The following FBXL2 variants were observed in gnomAD, a reference collection of about 807,000 sequenced individuals.
The protein encoded by FBXL2 is F-box and leucine rich repeat protein 2.
A neutral mutation model predicts 69.2 loss-of-function variants in FBXL2; 38 were observed. That is an observed-to-expected ratio of 0.55 (90% CI 0.42 to 0.72). The LOEUF (loss-of-function observed/expected upper bound fraction) is 0.72. Ranked by LOEUF, FBXL2 falls within the 30% of genes least tolerant of loss-of-function variation. The pLI is 0.00. For missense variants in FBXL2, 354 were observed against 520.3 expected (o/e 0.68, Z 3.11); for synonymous variants, 192 against 201.3 (o/e 0.95, Z 0.39).
At chr3:33,342,175 T>A (rs1274399460) in intron 2 of FBXL2, among the ~76,000 whole-genome samples, 1 of 151,296 alleles carries the variant, frequency 6.6e-6, no homozygotes, top group Non-Finnish European at 1.5e-5. Flanking sequence ...CGGCTAATTT[T>A]TTGTATTTTT....
intron 2 of FBXL2, among the ~76,000 whole-genome samples, chr3:33,320,695 G>A (rs1380473567): frequency 1.3e-5 from 2 of 152,014 alleles, no homozygotes; most frequent in African/African-American, 2.4e-5. Context: ...TGGTCAGGCT[G>A]ATCTCGAACT....
the FBXL2 span, chr3:33,416,842 A>G: frequency 6.2e-7 from 1 of 1,610,906 alleles, no homozygotes; most frequent in Non-Finnish European, 8.5e-7. Context: ...GACCTATTTA[A>G]AGAAATTGTG....
At chr3:33,310,102 A>G (rs968716508) in intron 2 of FBXL2, among the ~76,000 whole-genome samples, 1 of 152,166 alleles carries the variant, frequency 6.6e-6, no homozygotes, top group Non-Finnish European at 1.5e-5. Context: ...AACATTGTGT[A>G]TCACTTAAAA....
At chr3:33,370,148 C>T (rs1396888699) in intron 5 of FBXL2, among the ~76,000 whole-genome samples, 1 of 152,076 alleles carries the variant, frequency 6.6e-6, no homozygotes, top group Non-Finnish European at 1.5e-5. Context: ...GGTGCAGTGG[C>T]TCACGCCTGT....
chr3:33,383,732 T>G (rs1340001009), intron 13 of FBXL2: 5 of 450,464 alleles, frequency 1.1e-5, no homozygotes, highest in Non-Finnish European at 2.1e-5. Flanking sequence ...CCCCAAGGCT[T>G]TGTGTTTGGT....
chr3:33,346,272 A>G (rs1281406203), intron 2 of FBXL2, among the ~76,000 whole-genome samples: 1 of 152,162 alleles, frequency 6.6e-6, no homozygotes. Flanking sequence ...CTAAGCCTCC[A>G]TTTTAGGAAA....
At chr3:33,376,375 T>C (rs189491580) in intron 10 of FBXL2, among the ~76,000 whole-genome samples, 4 of 152,308 alleles carry the variant, frequency 2.6e-5, no homozygotes, top group African/African-American at 7.2e-5. Flanking sequence ...ACCAGTTCTG[T>C]ATCTTTTAAG....
At chr3:33,285,962 C>T (rs1488022944) in intron 1 of FBXL2, among the ~76,000 whole-genome samples, 1 of 152,146 alleles carries the variant, frequency 6.6e-6, no homozygotes, top group Non-Finnish European at 1.5e-5. Context: ...AGGTTTTTAG[C>T]TTCTTTGCGA....
At chr3:33,392,579 TAA>T, downstream of FBXL2, 1 of 1,611,708 alleles carries the variant, frequency 6.2e-7, no homozygotes, top group Non-Finnish European at 8.5e-7. Flanking sequence ...CTGTGGAGAA[TAA>T]AAAACAACTC....
At chr3:33,412,021 T>C in the FBXL2 span, among the ~76,000 whole-genome samples, 1 of 152,004 alleles carries the variant, frequency 6.6e-6, no homozygotes, top group Non-Finnish European at 1.5e-5. Context: ...ACCCCGTCTC[T>C]ACTAAAAATA....
intron 12 of FBXL2, among the ~76,000 whole-genome samples, chr3:33,402,496 T>C (rs1336844197): frequency 6.6e-6 from 1 of 152,252 alleles, no homozygotes; most frequent in African/African-American, 2.4e-5. Flanking sequence ...TCTCTACCTA[T>C]AGACACTGTT....
intron 13 of FBXL2, among the ~76,000 whole-genome samples, chr3:33,382,339 C>T (rs1458772214): frequency 6.6e-6 from 1 of 152,080 alleles, no homozygotes; most frequent in African/African-American, 2.4e-5. Flanking sequence ...CTGAATACAC[C>T]CCGATCAAAG....
intron 2 of FBXL2, among the ~76,000 whole-genome samples, chr3:33,305,602 T>C (rs1453409217): frequency 6.6e-6 from 1 of 151,992 alleles, no homozygotes; most frequent in African/African-American, 2.4e-5. Flanking sequence ...TGTTTTTCTG[T>C]CCTCCAAAAG....
At chr3:33,298,408 A>G (rs2035938034) in intron 2 of FBXL2, among the ~76,000 whole-genome samples, 1 of 152,158 alleles carries the variant, frequency 6.6e-6, no homozygotes, top group African/African-American at 2.4e-5. Context: ...GTGGTAGCTC[A>G]TGTCTGTAAT....
At chr3:33,354,444 C>T (rs1037562491) in intron 2 of FBXL2, among the ~76,000 whole-genome samples, 4 of 150,808 alleles carry the variant, frequency 2.7e-5, no homozygotes, top group Admixed American at 2.0e-4. Flanking sequence ...AACCTGGAGG[C>T]AGAGGTTGCA....
At chr3:33,321,775 C>T (rs1033690212) in intron 2 of FBXL2, among the ~76,000 whole-genome samples, 1 of 152,132 alleles carries the variant, frequency 6.6e-6, no homozygotes, top group African/African-American at 2.4e-5. Context: ...ATACTGTAGG[C>T]ACTTGTAGCA....
chr3:33,334,353 A>G (rs184708802), intron 2 of FBXL2, among the ~76,000 whole-genome samples: 20 of 152,334 alleles, frequency 1.3e-4, no homozygotes, highest in African/African-American at 4.1e-4. Context: ...GATTCATGGA[A>G]GTTCTAAAAG....
At chr3:33,408,817 T>C in the FBXL2 span, 2 of 1,591,182 alleles carry the variant, frequency 1.3e-6, no homozygotes, top group East Asian at 4.5e-5. Flanking sequence ...CACCAAAGAT[T>C]GGGATCAATG....
chr3:33,279,358 C>T (rs144047001), intron 1 of FBXL2, among the ~76,000 whole-genome samples: 2,639 of 152,088 alleles, frequency 0.017, 66 homozygotes, highest in African/African-American at 0.06. Context: ...GCAAGCTCCG[C>T]CTCCCGGGTA....
Sources: allele counts gnomAD v4.1 joint callset (sites outside exome capture counted in the v4.1 genomes callset), GRCh38; gene constraint gnomAD v4.1.1; transcripts MANE v1.5; gene names NCBI Gene and HGNC (gene_info 2026-07-23, HGNC 2026-07-21).